FHOD3: variants seen among roughly 807,000 people sequenced by gnomAD.
FHOD3 encodes the protein formin homology 2 domain containing 3.
Under a neutral mutation model 173.0 loss-of-function variants are expected in FHOD3, and 90 were observed. The ratio of observed to expected loss-of-function variants is 0.52; its 90% CI spans 0.44 to 0.62. The LOEUF (loss-of-function observed/expected upper bound fraction) is 0.62. Among genes scored for constraint, FHOD3 ranks in the 20% least tolerant of loss-of-function variants. The probability of loss-of-function intolerance (pLI) is 0.00; values close to 1 mark genes in which losing one functional copy is unlikely to be tolerated. For synonymous variants in FHOD3, 828 were observed against 823.0 expected (o/e 1.01, Z -0.10); for missense variants, 1,945 against 2,034.7 (o/e 0.96, Z 0.85).
At chr18:36,309,900 A>G (rs2092210029) in intron 1 of FHOD3, among the ~76,000 whole-genome samples, 1 of 152,246 alleles carries the variant, frequency 6.6e-6, no homozygotes, top group Non-Finnish European at 1.5e-5. Context: ...TGATCCTCTC[A>G]TGACCCTGAA....
intron 5 of FHOD3, among the ~76,000 whole-genome samples, chr18:36,540,004 T>G (rs2057143265): frequency 1.3e-5 from 2 of 152,186 alleles, no homozygotes; most frequent in African/African-American, 4.8e-5. Context: ...CGCCTGTATT[T>G]AAATCATGAT....
At chr18:36,593,254 T>G (rs1418824277) in intron 6 of FHOD3, among the ~76,000 whole-genome samples, 1 of 152,134 alleles carries the variant, frequency 6.6e-6, no homozygotes, top group Non-Finnish European at 1.5e-5. Context: ...GGAAGTCCTA[T>G]CATATTGGGG....
At chr18:36,388,568 G>A (rs372434600) in intron 3 of FHOD3, among the ~76,000 whole-genome samples, 4 of 152,078 alleles carry the variant, frequency 2.6e-5, no homozygotes, top group African/African-American at 7.2e-5. Context: ...GTTTCCTCTC[G>A]GCAGAGCCTG....
intron 5 of FHOD3, among the ~76,000 whole-genome samples, chr18:36,570,085 A>G (rs2058400864): frequency 1.3e-5 from 2 of 152,112 alleles, no homozygotes; most frequent in Non-Finnish European, 2.9e-5. Flanking sequence ...GCGGAGAAAA[A>G]AATAGAGAAA....
chr18:36,610,584 T>C (rs2032571582), intron 8 of FHOD3, among the ~76,000 whole-genome samples: 1 of 152,198 alleles, frequency 6.6e-6, no homozygotes. Context: ...TTAGTTTTCA[T>C]TAGTTTCTGA....
At chr18:36,497,261 A>G (rs911449232) in intron 3 of FHOD3, among the ~76,000 whole-genome samples, 1 of 152,228 alleles carries the variant, frequency 6.6e-6, no homozygotes, top group African/African-American at 2.4e-5. Flanking sequence ...ACATTTGGCA[A>G]AAAAGAGGAG....
chr18:36,359,173 A>G (rs1214471457), intron 2 of FHOD3, among the ~76,000 whole-genome samples: 1 of 152,216 alleles, frequency 6.6e-6, no homozygotes, highest in African/African-American at 2.4e-5. Context: ...TATTGTGGCC[A>G]TCTAATGAAG....
intron 3 of FHOD3, among the ~76,000 whole-genome samples, chr18:36,450,153 G>T (rs1421136500): frequency 6.6e-6 from 1 of 152,182 alleles, no homozygotes; most frequent in African/African-American, 2.4e-5. Flanking sequence ...TCCCACCTAT[G>T]AGTGAGAACA....
chr18:36,527,458 C>G (rs537933996), intron 5 of FHOD3, among the ~76,000 whole-genome samples: 1 of 152,312 alleles, frequency 6.6e-6, no homozygotes, highest in South Asian at 2.1e-4. Flanking sequence ...AAAACTGATT[C>G]TTCTCTCTTC....
chr18:36,694,886 T>C (rs919948050), intron 17 of FHOD3, among the ~76,000 whole-genome samples: 3 of 152,308 alleles, frequency 2.0e-5, no homozygotes, highest in East Asian at 3.9e-4. Context: ...TTGATTGAAT[T>C]ACAGTTTAAC....
chr18:36,646,609 A>T (rs1156856200), intron 10 of FHOD3, among the ~76,000 whole-genome samples: 1 of 152,238 alleles, frequency 6.6e-6, no homozygotes, highest in Non-Finnish European at 1.5e-5. Context: ...CCTTTACTAA[A>T]TGGTTCTGGG....
At chr18:36,468,091 C>T (rs1054504776) in intron 3 of FHOD3, among the ~76,000 whole-genome samples, 5 of 152,120 alleles carry the variant, frequency 3.3e-5, no homozygotes, top group Non-Finnish European at 7.4e-5. Context: ...TGCTCCCATG[C>T]GAAGCTTCTG....
At position 36,472,019 on chromosome 18, in the gene FHOD3, A is replaced by G. The variant is rs571867929; in HGVS notation, c.338-29913A>G. On this transcript the variant is annotated intron_variant, in intron 3 of 28. Coordinates refer to ENST00000590592, the MANE Select transcript of FHOD3 (RefSeq NM_001281740.3). ...AGCAAATACTGGCTGAGAGGATAAA[A>G]TCCTCAAACTCAGATAATGATGTTG... Among the ~76,000 whole-genome samples the G allele has an allele frequency of 1.5e-4, 23 of 152,340 alleles. No individual in the cohort carries two copies. The South Asian group carries it at 4.6e-3, about 30-fold the overall frequency.
chr18:36,659,774 C>A (rs1232952912), intron 14 of FHOD3, among the ~76,000 whole-genome samples: 1 of 152,220 alleles, frequency 6.6e-6, no homozygotes, highest in East Asian at 1.9e-4. Flanking sequence ...TACCAAAGCC[C>A]TGGGCTTGGA....
intron 3 of FHOD3, among the ~76,000 whole-genome samples, chr18:36,475,802 A>G (rs977604545): frequency 3.3e-5 from 5 of 151,330 alleles, no homozygotes; most frequent in Non-Finnish European, 5.9e-5. Flanking sequence ...ACACGCATAC[A>G]TACATATATA....
chr18:36,569,142 A>C (rs573106482), intron 5 of FHOD3, among the ~76,000 whole-genome samples: 1 of 152,350 alleles, frequency 6.6e-6, no homozygotes, highest in East Asian at 1.9e-4. Context: ...ATTAGTACTT[A>C]TATTACATAT....
At chr18:36,691,615 G>T (rs2038968643) in intron 16 of FHOD3, among the ~76,000 whole-genome samples, 1 of 152,224 alleles carries the variant, frequency 6.6e-6, no homozygotes, top group Non-Finnish European at 1.5e-5. Flanking sequence ...CTCAAGAGGT[G>T]GTGCTCTTGG....
At chr18:36,645,164 G>A (rs1169844000) in intron 10 of FHOD3, among the ~76,000 whole-genome samples, 3 of 89,782 alleles carry the variant, frequency 3.3e-5, no homozygotes, top group African/African-American at 5.6e-5. Context: ...GGCTGAGTCC[G>A]GGCATGGTGG....
At chr18:36,371,593 T>A (rs2047190325) in intron 2 of FHOD3, among the ~76,000 whole-genome samples, 1 of 152,214 alleles carries the variant, frequency 6.6e-6, no homozygotes, top group African/African-American at 2.4e-5. Context: ...CCAAATCATA[T>A]CAGAATCAAC....
Sources: gnomAD v4.1 joint callset for allele counts (sites outside exome capture counted in the v4.1 genomes callset) on GRCh38, gnomAD v4.1.1 for gene constraint, MANE v1.5 for transcripts, NCBI Gene and HGNC (gene_info 2026-07-23, HGNC 2026-07-21) for gene names.